PHACTR1: variants seen among roughly 807,000 people sequenced by gnomAD.
PHACTR1 encodes phosphatase and actin regulator 1.
PHACTR1 carries 16 observed loss-of-function variants against 69.2 expected under a neutral mutation model. That is an observed-to-expected ratio of 0.23 (90% CI 0.16 to 0.35). PHACTR1 has a LOEUF of 0.35. PHACTR1 is among the 10% of genes least tolerant of loss of function. The pLI, the probability that PHACTR1 is intolerant of heterozygous loss-of-function variation, is 1.00. For synonymous variants in PHACTR1, 312 were observed against 284.5 expected (o/e 1.10, Z -0.97); for missense variants, 510 against 734.7 (o/e 0.69, Z 3.54).
At position 13,206,064 on chromosome 6, in the gene PHACTR1, T is replaced by G; in HGVS notation, c.914T>G (p.Met305Arg). The G allele has an allele frequency of 1.2e-6, 2 of 1,613,610 alleles. No individual in the cohort carries two copies. Among genetic ancestry groups the G allele is most frequent in the Non-Finnish European group, 1.7e-6 (2 of 1,179,776 alleles). ...HLPSTTGSLP[M>R]HPSGCRMIDE... The stretch of plus-strand genomic sequence containing the variant: ...CCCTCCACCACCGGCTCCCTCCCCA[T>G]GCACCCCTCGGGCTGCAGAATGATA... Residue 305 changes from methionine to arginine, a missense_variant, in exon 8 of 15, where the codon ATG becomes AGG. Coordinates refer to ENST00000332995, the MANE Select transcript of PHACTR1 (RefSeq NM_030948.6).
At chr6:12,913,021 A>G (rs927966801) in intron 4 of PHACTR1, among the ~76,000 whole-genome samples, 2 of 152,336 alleles carry the variant, frequency 1.3e-5, no homozygotes, top group African/African-American at 2.4e-5. Flanking sequence ...GGGATTTGTC[A>G]TGCCTGAAAA....
At chr6:13,067,119 C>G (rs1808768328) in intron 5 of PHACTR1, among the ~76,000 whole-genome samples, 1 of 152,186 alleles carries the variant, frequency 6.6e-6, no homozygotes, top group African/African-American at 2.4e-5. Flanking sequence ...CTGATGACAA[C>G]AGCAGGAGCA....
At chr6:12,829,997 A>AGAGAGAG (rs755648488) in intron 4 of PHACTR1, among the ~76,000 whole-genome samples, 39 of 141,152 alleles carry the variant, frequency 2.8e-4, no homozygotes, top group Middle Eastern at 3.6e-3. Context: ...AGAGAGAGAG[A>AGAGAGAG]ACGAAAAGAA....
At chr6:12,942,336 C>A (rs991882748) in intron 4 of PHACTR1, among the ~76,000 whole-genome samples, 1 of 152,154 alleles carries the variant, frequency 6.6e-6, no homozygotes, top group African/African-American at 2.4e-5. Context: ...AGTAGAAACA[C>A]AATACAAGCT....
intron 13 of PHACTR1, among the ~76,000 whole-genome samples, chr6:13,284,507 A>G (rs1410601252): frequency 1.6e-5 from 2 of 124,560 alleles, no homozygotes; most frequent in African/African-American, 6.7e-5. Context: ...ACAACAGTGA[A>G]ACTCCATCTC....
chr6:13,119,842 G>A (rs768379956), intron 5 of PHACTR1, among the ~76,000 whole-genome samples: 1 of 152,172 alleles, frequency 6.6e-6, no homozygotes, highest in Non-Finnish European at 1.5e-5. Context: ...ACCCTTCCCT[G>A]TGTCATTTTC....
intron 8 of PHACTR1, among the ~76,000 whole-genome samples, chr6:13,222,720 T>C (rs1278541545): frequency 1.3e-5 from 2 of 152,224 alleles, no homozygotes; most frequent in Non-Finnish European, 2.9e-5. Flanking sequence ...CATTTGGCAA[T>C]GTCTGAAGAT....
intron 11 of PHACTR1, 184 bp from the exon 12 acceptor site, chr6:13,278,084 A>T (rs1779313115): frequency 1.9e-6 from 1 of 516,820 alleles, no homozygotes; most frequent in Admixed American, 3.6e-5. Context: ...GCAATTTGAA[A>T]CAACGCAGGT....
chr6:12,849,041 C>T (rs1322540755), intron 4 of PHACTR1, among the ~76,000 whole-genome samples: 1 of 152,048 alleles, frequency 6.6e-6, no homozygotes, highest in Non-Finnish European at 1.5e-5. Context: ...AATGACTTTG[C>T]AGATGGCACC....
intron 4 of PHACTR1, among the ~76,000 whole-genome samples, chr6:12,755,362 G>A (rs1357377969): frequency 6.6e-6 from 1 of 152,130 alleles, no homozygotes; most frequent in Non-Finnish European, 1.5e-5. Flanking sequence ...GCTCTAAGAT[G>A]AGGGTTTTAG....
At chr6:13,213,027 C>G (rs746236047) in intron 8 of PHACTR1, among the ~76,000 whole-genome samples, 5 of 152,194 alleles carry the variant, frequency 3.3e-5, no homozygotes, top group Non-Finnish European at 5.9e-5. Context: ...TCCACAAGGG[C>G]AGGAACTGTT....
At chr6:12,866,995 A>G (rs1017849570) in intron 4 of PHACTR1, among the ~76,000 whole-genome samples, 1 of 152,098 alleles carries the variant, frequency 6.6e-6, no homozygotes, top group South Asian at 2.1e-4. Flanking sequence ...TGTGTTTGCT[A>G]AGTTTTAAGC....
chr6:13,022,071 C>G (rs1481176987), intron 4 of PHACTR1, among the ~76,000 whole-genome samples: 3 of 152,256 alleles, frequency 2.0e-5, no homozygotes, highest in Non-Finnish European at 4.4e-5. Flanking sequence ...GAGATTCACA[C>G]TTTACTGAAC....
intron 4 of PHACTR1, among the ~76,000 whole-genome samples, chr6:13,047,766 A>ATAC (rs1386485389): frequency 6.6e-6 from 1 of 152,042 alleles, no homozygotes; most frequent in Non-Finnish European, 1.5e-5. Context: ...GCTCCCTGGG[A>ATAC]TACTGTATGA....
At chr6:12,830,693 G>T (rs1777465897) in intron 4 of PHACTR1, among the ~76,000 whole-genome samples, 1 of 151,986 alleles carries the variant, frequency 6.6e-6, no homozygotes, top group South Asian at 2.1e-4. Context: ...GGGTTCAAGC[G>T]ATTCTCCTTC....
At chr6:12,809,770 G>A (rs112478658) in intron 4 of PHACTR1, among the ~76,000 whole-genome samples, 3,039 of 152,146 alleles carry the variant, frequency 0.02, 72 homozygotes, top group South Asian at 0.083. Flanking sequence ...AGATACATAC[G>A]GAAGGCCTAT....
chr6:12,913,072 T>C (rs1348246211), intron 4 of PHACTR1, among the ~76,000 whole-genome samples: 2 of 152,228 alleles, frequency 1.3e-5, no homozygotes, highest in African/African-American at 4.8e-5. Flanking sequence ...ATGCATACTT[T>C]AGCAATATCC....
At chr6:13,165,111 T>G (rs1583669765) in intron 6 of PHACTR1, among the ~76,000 whole-genome samples, 1 of 152,324 alleles carries the variant, frequency 6.6e-6, no homozygotes, top group East Asian at 1.9e-4. Context: ...AAGGAAATTT[T>G]AAATTATGTT....
At chr6:13,174,248 A>G (rs1265058654) in intron 6 of PHACTR1, among the ~76,000 whole-genome samples, 1 of 152,228 alleles carries the variant, frequency 6.6e-6, no homozygotes, top group African/African-American at 2.4e-5. Flanking sequence ...TGTCTCAGAG[A>G]GAAAAGGCAA....
Sources: gnomAD v4.1 joint callset for allele counts (sites outside exome capture counted in the v4.1 genomes callset) on GRCh38, gnomAD v4.1.1 for gene constraint, MANE v1.5 for transcripts, NCBI Gene and HGNC (gene_info 2026-07-23, HGNC 2026-07-21) for gene names.